LIPA: variants seen among roughly 807,000 people sequenced by gnomAD.
LIPA encodes the protein lysosomal acid lipase/cholesteryl ester hydrolase.
Under a neutral mutation model 40.6 loss-of-function variants are expected in LIPA, and 26 were observed. The observed-to-expected ratio is 0.64, with a 90% CI of 0.47 to 0.89. The LOEUF is 0.89. LIPA is among the 40% of genes least tolerant of loss of function. The pLI, the probability that LIPA is intolerant of heterozygous loss-of-function variation, is 0.00. For missense variants in LIPA, 455 were observed against 479.6 expected, an observed-to-expected ratio of 0.95 and a Z score of 0.48; for synonymous variants, 188 against 168.4, an observed-to-expected ratio of 1.12 and a Z score of -0.90.
rs1248253654 is a variant in LIPA, at chr10:89,309,806, C to G, written c.-2+32805G>C. ...ATAGCTCCAGTTTCCTGAAATTTCA[C>G]TATCCAAGAATAACAAATGAAGTCA... On this transcript the variant is annotated intron_variant, in intron 1 of 5. Transcript: ENST00000282673. 3.3e-5 allele frequency among the ~76,000 whole-genome samples: 5 copies of G among 152,204 alleles called. No individual in the cohort carries two copies. The East Asian group carries it at 9.6e-4, about 29-fold the overall frequency.
intron 3 of LIPA, among the ~76,000 whole-genome samples, chr10:89,230,961 T>C (rs924034689): frequency 6.6e-6 from 1 of 152,210 alleles, no homozygotes; most frequent in Non-Finnish European, 1.5e-5. Flanking sequence ...TCCTTTGCCC[T>C]CTGCTCATTC....
chr10:89,311,162 G>A (rs907811440), intron 1 of LIPA, among the ~76,000 whole-genome samples: 2 of 152,088 alleles, frequency 1.3e-5, no homozygotes, highest in Non-Finnish European at 2.9e-5. Flanking sequence ...TAAAACCACT[G>A]AGCACACATT....
At chr10:89,232,640 T>G (rs1245651632) in intron 3 of LIPA, among the ~76,000 whole-genome samples, 1 of 151,548 alleles carries the variant, frequency 6.6e-6, no homozygotes, top group Non-Finnish European at 1.5e-5. Flanking sequence ...AGAAGGAGGG[T>G]GATATGTGGC....
In LIPA at chr10:89,295,442, A is replaced by G. The variant is rs1329463888; in HGVS notation, c.-2+47169T>C. Reference sequence around the variant, plus strand: ...AAAAGTATTTTTGCTTACATTCAATATATTATTTGGTTCTCAGACTTTAGC... The same window carrying G: ...AAAAGTATTTTTGCTTACATTCAATGTATTATTTGGTTCTCAGACTTTAGC... On this transcript the variant is annotated intron_variant, in intron 1 of 5. Transcript: ENST00000282673. Among the ~76,000 whole-genome samples, 3 of 152,192 alleles carry G rather than the reference A, an allele frequency of 2.0e-5. No homozygotes were observed. In the East Asian group the frequency reaches 5.8e-4, roughly 29 times the overall value.
intron 2 of LIPA, among the ~76,000 whole-genome samples, chr10:89,368,134 C>T (rs1346056322): frequency 1.3e-5 from 2 of 152,152 alleles, no homozygotes; most frequent in African/African-American, 2.4e-5. Context: ...TTGATTGACT[C>T]TCTTGACATT....
chr10:89,318,725 T>G (rs1843555236), intron 1 of LIPA, among the ~76,000 whole-genome samples: 1 of 152,206 alleles, frequency 6.6e-6, no homozygotes, highest in Non-Finnish European at 1.5e-5. Context: ...AATAGACATC[T>G]ACAGAACTCT....
chr10:89,319,217 C>A (rs1296998969), intron 1 of LIPA, among the ~76,000 whole-genome samples: 1 of 152,012 alleles, frequency 6.6e-6, no homozygotes, highest in Admixed American at 6.6e-5. Flanking sequence ...AAGATCAGAG[C>A]AGAACTGAAG....
intron 1 of LIPA, among the ~76,000 whole-genome samples, chr10:89,262,983 T>C (rs1743074828): frequency 1.3e-5 from 2 of 152,230 alleles, no homozygotes; most frequent in South Asian, 4.1e-4. Context: ...CATGTTGCTG[T>C]TGGCAGCTGA....
chr10:89,370,960 G>A (rs1844088316), intron 2 of LIPA, among the ~76,000 whole-genome samples: 1 of 152,212 alleles, frequency 6.6e-6, no homozygotes, highest in Non-Finnish European at 1.5e-5. Context: ...AGAGACTGCA[G>A]GGAGCCGAGA....
At chr10:89,321,346 T>C (rs1349223865) in intron 1 of LIPA, among the ~76,000 whole-genome samples, 3 of 152,066 alleles carry the variant, frequency 2.0e-5, no homozygotes, top group African/African-American at 7.2e-5. Flanking sequence ...ATCCAGAATC[T>C]ACAAAAAACT....
chr10:89,331,750 T>C (rs1394050676), intron 1 of LIPA, among the ~76,000 whole-genome samples: 1 of 148,138 alleles, frequency 6.8e-6, no homozygotes, highest in Non-Finnish European at 1.5e-5. Context: ...TCTCATTGAC[T>C]GGAGAGGCTG....
exon 2 of LIPA, chr10:89,412,841 A>C (rs960543840): frequency 2.7e-6 from 1 of 372,586 alleles, no homozygotes; most frequent in East Asian, 9.4e-5. Context: ...AACAAACTCC[A>C]GACACGCCAT....
In LIPA at chr10:89,338,582, T is replaced by C. The variant is rs569673584; in HGVS notation, c.-2+4029A>G. 5.4e-5 allele frequency: 73 copies of C among 1,359,962 alleles called. No homozygotes were observed. The Admixed American group carries it at 6.2e-4, about 12-fold the overall frequency. The allele number at this position is 1,359,962 out of a possible 1,614,324, so 84.2% of individuals were successfully genotyped here. ...CTGGGCATCCTGTGGCCCAGTTCAATTGACATATAAAATTAATGATCACAG... is the reference window on the plus strand; with the variant it reads ...CTGGGCATCCTGTGGCCCAGTTCAACTGACATATAAAATTAATGATCACAG... On this transcript the variant is annotated intron_variant, in intron 1 of 5. Coordinates refer to the LIPA transcript ENST00000282673.
chr10:89,271,905 A>T (rs899388971), intron 1 of LIPA, among the ~76,000 whole-genome samples: 1 of 151,956 alleles, frequency 6.6e-6, no homozygotes, highest in Non-Finnish European at 1.5e-5. Flanking sequence ...TCTACAAAAA[A>T]AAAAACCCAC....
In LIPA at chr10:89,361,690, T is replaced by C. The variant is rs1016018755; in HGVS notation, c.61+51101A>G. On this transcript the variant is annotated intron_variant, in intron 2 of 8. Transcript: ENST00000371837. ...AGACAAAATGCATTTGCTGATATCATGATGTTGATAATTTTTAACTAAGGC... is the reference window on the plus strand; with the variant it reads ...AGACAAAATGCATTTGCTGATATCACGATGTTGATAATTTTTAACTAAGGC... 1.1e-4 allele frequency among the ~76,000 whole-genome samples: 17 copies of C among 152,222 alleles called. No homozygotes were observed. In the East Asian group the frequency reaches 3.3e-3, roughly 29 times the overall value.
chr10:89,351,159 T>C (rs970874652), intron 2 of LIPA, among the ~76,000 whole-genome samples: 1 of 151,924 alleles, frequency 6.6e-6, no homozygotes, highest in Non-Finnish European at 1.5e-5. Flanking sequence ...CTATAAAAAA[T>C]ACAAAAATTA....
At chr10:89,286,602 C>A (rs1843342715) in intron 1 of LIPA, among the ~76,000 whole-genome samples, 1 of 152,168 alleles carries the variant, frequency 6.6e-6, no homozygotes, top group Non-Finnish European at 1.5e-5. Context: ...ATATAAAAAC[C>A]CAGCCCAGTT....
At chr10:89,353,949 A>G (rs564429179) in intron 2 of LIPA, among the ~76,000 whole-genome samples, 70 of 152,266 alleles carry the variant, frequency 4.6e-4, no homozygotes, top group African/African-American at 1.6e-3. Context: ...TCAAAAAAAA[A>G]AAAGAATATA....
chr10:89,366,124 C>G (rs1229983134), intron 2 of LIPA, among the ~76,000 whole-genome samples: 3 of 152,146 alleles, frequency 2.0e-5, no homozygotes, highest in Non-Finnish European at 2.9e-5. Context: ...TCTTTTATTT[C>G]GTTGAGCATT....
Sources: allele counts gnomAD v4.1 joint callset (sites outside exome capture counted in the v4.1 genomes callset), GRCh38; gene constraint gnomAD v4.1.1; transcripts MANE v1.5; gene names NCBI Gene and HGNC (gene_info 2026-07-23, HGNC 2026-07-21).